The following SHISAL2A variants were observed in gnomAD, a reference collection of about 807,000 sequenced individuals.
The protein encoded by SHISAL2A is protein shisa-like-2A.
In SHISAL2A, 18 loss-of-function variants were observed where a neutral mutation model predicts 11.5. The ratio of observed to expected loss-of-function variants is 1.57; its 90% CI spans 1.08 to 2.33. The LOEUF is 2.33. SHISAL2A is among the 30% of genes most tolerant of loss of function. The probability of loss-of-function intolerance (pLI) is 0.00; values close to 1 mark genes in which losing one functional copy is unlikely to be tolerated. For missense variants in SHISAL2A, 261 were observed against 250.9 expected, an observed-to-expected ratio of 1.04 and a Z score of -0.27; for synonymous variants, 94 against 99.6, an observed-to-expected ratio of 0.94 and a Z score of 0.34.
At chr1:52,656,732 G>T (rs1691797013) in intron 2 of SHISAL2A, 58 bp from the exon 3 acceptor site, 1 of 1,545,046 alleles carries the variant, frequency 6.5e-7, no homozygotes. Context: ...GTCAGCTGGG[G>T]AGTGTGATCC....
downstream of SHISAL2A, among the ~76,000 whole-genome samples, chr1:52,660,679 G>A (rs1052068544): frequency 1.3e-5 from 2 of 152,178 alleles, no homozygotes; most frequent in Non-Finnish European, 2.9e-5. Flanking sequence ...CTTCAGCCCA[G>A]AATTAGAGAA....
At chr1:52,655,959 C>A (rs1390449516) in intron 2 of SHISAL2A, among the ~76,000 whole-genome samples, 3 of 152,056 alleles carry the variant, frequency 2.0e-5, no homozygotes, top group Admixed American at 1.3e-4. Context: ...TGGGTGGATA[C>A]CACAGATGAC....
chr1:52,638,843 T>A lies in SHISAL2A; in HGVS notation c.183-4020T>A, dbSNP rs561878339. On this transcript the variant is annotated intron_variant, in intron 1 of 2. Coordinates refer to ENST00000517870, the MANE Select transcript of SHISAL2A (RefSeq NM_001042693.3). ...TATTGATTATCCTGCACTATTGACT[T>A]GCCAGTGTGTCCACAGAGCCTGTTC... is the stretch of plus-strand genomic sequence containing the variant. Among the ~76,000 whole-genome samples, 23 of 152,306 alleles carry A rather than the reference T, an allele frequency of 1.5e-4. No individual in the cohort carries two copies. The South Asian group carries it at 4.1e-3, about 27-fold the overall frequency.
chr1:52,666,242 C>T (rs1327685303), intron 4 of SHISAL2A, among the ~76,000 whole-genome samples: 1 of 152,014 alleles, frequency 6.6e-6, no homozygotes, highest in Admixed American at 6.6e-5. Flanking sequence ...ACTTGAGGTC[C>T]GGAGTTCAAG....
chr1:52,636,816 T>C (rs1691245899), intron 1 of SHISAL2A, among the ~76,000 whole-genome samples: 1 of 152,204 alleles, frequency 6.6e-6, no homozygotes, highest in South Asian at 2.1e-4. Context: ...CAGGCCTGTC[T>C]CATCTCAAGC....
chr1:52,654,749 G>C (rs1268515231), intron 2 of SHISAL2A, among the ~76,000 whole-genome samples: 1 of 152,102 alleles, frequency 6.6e-6, no homozygotes, highest in Non-Finnish European at 1.5e-5. Context: ...TCTTAAACAA[G>C]ACATCAAAAG....
At chr1:52,664,654 C>T (rs112289038) in intron 4 of SHISAL2A, among the ~76,000 whole-genome samples, 253 of 152,250 alleles carry the variant, frequency 1.7e-3, no homozygotes, top group African/African-American at 5.5e-3. Context: ...CCACCGCGCT[C>T]GGCCCTGATT....
chr1:52,643,033 T>A (rs1691406437), intron 2 of SHISAL2A, 31 bp downstream of exon 2: 1 of 1,610,232 alleles, frequency 6.2e-7, no homozygotes, highest in African/African-American at 1.3e-5. Context: ...TGTCCTTGTA[T>A]TCGGTAGACT....
Position 52,633,354 on chromosome 1 carries a change from C to T in SHISAL2A, c.-140C>T. On this transcript the variant is annotated 5_prime_UTR_variant, in exon 1 of 3. Coordinates refer to ENST00000517870, the MANE Select transcript of SHISAL2A (RefSeq NM_001042693.3). The surrounding 1 kb of genome is among the most constrained non-coding windows in gnomAD (Gnocchi z 6.4). ...GGGCCCCGCGCTGCTGTCTCTGTCT[C>T]GGCTTCTCTCGGCCCCTGGGTCTCT... 1.3e-6 allele frequency: 1 copy of T among 769,526 alleles called. No individual in the cohort carries two copies. Among genetic ancestry groups the T allele is most frequent in the Non-Finnish European group, 1.9e-6 (1 of 525,916 alleles). 47.7% of individuals were successfully genotyped at this position (769,526 alleles called of 1,614,324 possible). A position where few individuals can be genotyped will look rare whatever the true frequency, so the allele number is the denominator to read the frequency against.
chr1:52,633,730 C>A lies in SHISAL2A; in HGVS notation c.182+55C>A. 1 of 1,472,564 alleles carries A rather than the reference C, an allele frequency of 6.8e-7. No homozygotes were observed. The highest frequency in any genetic ancestry group is 9.4e-7 in the Non-Finnish European group (1 of 1,067,384). 91.2% of individuals were successfully genotyped at this position (1,472,564 alleles called of 1,614,324 possible). On this transcript the variant is annotated intron_variant, in intron 1 of 2. Transcript: ENST00000517870. This position sits in a 1 kb window ranked among gnomAD's most constrained non-coding sequence, Gnocchi z 6.4. ...AACCCCACTCCAGTCTCAGCGCCTT[C>A]ACCCCAGCCTCAGCCCCCACCCGAG... is the stretch of plus-strand genomic sequence containing the variant.
At chr1:52,640,692 T>C (rs1691345097) in intron 1 of SHISAL2A, among the ~76,000 whole-genome samples, 1 of 151,906 alleles carries the variant, frequency 6.6e-6, no homozygotes, top group Non-Finnish European at 1.5e-5. Flanking sequence ...CCCTTGTAGA[T>C]AGAGATGCTA....
At chr1:52,647,661 C>T (rs1691530187) in intron 2 of SHISAL2A, among the ~76,000 whole-genome samples, 1 of 151,872 alleles carries the variant, frequency 6.6e-6, no homozygotes, top group Admixed American at 6.6e-5. Context: ...GCCTGGCCAA[C>T]ATGGTGAAAC....
chr1:52,640,737 C>T (rs1051994298), intron 1 of SHISAL2A, among the ~76,000 whole-genome samples: 3 of 152,200 alleles, frequency 2.0e-5, no homozygotes, highest in African/African-American at 7.2e-5. Context: ...GGTCTCTGAA[C>T]CCCGAGTTCC....
chr1:52,667,693 T>G (rs995262135), intron 5 of SHISAL2A: 1 of 152,186 alleles, frequency 6.6e-6, no homozygotes, highest in African/African-American at 2.4e-5. Flanking sequence ...ATCTTCTGTC[T>G]GCAGAATCCA....
chr1:52,663,996 A>G (rs895303882), intron 4 of SHISAL2A, among the ~76,000 whole-genome samples: 2 of 152,204 alleles, frequency 1.3e-5, no homozygotes. Flanking sequence ...GCATTGCAAT[A>G]TGCCAAAATG....
rs538036644 is a variant in SHISAL2A, at chr1:52,633,838, C to T, written c.182+163C>T. On this transcript the variant is annotated intron_variant, in intron 1 of 2. Transcript: ENST00000517870. This position sits in a 1 kb window ranked among gnomAD's most constrained non-coding sequence, Gnocchi z 6.4. ...TCAACCACCCCGTGAAACCCCATCT[C>T]AGCTCGATTTCCTCATCCTGACCCC... Among the ~76,000 whole-genome samples the T allele has an allele frequency of 3.9e-5, 6 of 152,112 alleles. No homozygotes were observed. The highest frequency in any genetic ancestry group is 8.8e-5 in the Non-Finnish European group (6 of 68,024).
chr1:52,658,685 G>A (rs1339911617), downstream of SHISAL2A, among the ~76,000 whole-genome samples: 4 of 152,214 alleles, frequency 2.6e-5, no homozygotes, highest in East Asian at 1.9e-4. Context: ...TAATCTGATC[G>A]CAAAGGAATC....
intron 2 of SHISAL2A, among the ~76,000 whole-genome samples, chr1:52,644,399 G>A (rs1027743155): frequency 6.6e-6 from 1 of 152,336 alleles, no homozygotes; most frequent in Middle Eastern, 3.4e-3. Context: ...AGGCCAGGCA[G>A]CCTGGGGGAG....
chr1:52,662,608 C>T (rs1043671378), intron 4 of SHISAL2A, among the ~76,000 whole-genome samples: 2 of 151,802 alleles, frequency 1.3e-5, no homozygotes, highest in African/African-American at 4.8e-5. Flanking sequence ...ACTTAGGCCT[C>T]CCAAAGTGCT....
Sources: allele counts gnomAD v4.1 joint callset (sites outside exome capture counted in the v4.1 genomes callset), GRCh38; gene constraint gnomAD v4.1.1; non-coding constraint Gnocchi (gnomAD v3.1); transcripts MANE v1.5; gene names NCBI Gene and HGNC (gene_info 2026-07-23, HGNC 2026-07-21).